Variants in CCDC7 observed in about 807,000 individuals in gnomAD.
The protein encoded by CCDC7 is coiled-coil domain containing 7.
A neutral mutation model predicts 196.9 loss-of-function variants in CCDC7; 183 were observed. The observed-to-expected ratio is 0.93, with a 90% CI of 0.82 to 1.05. The LOEUF (loss-of-function observed/expected upper bound fraction) is 1.05, where lower values mean the gene tolerates loss of function less well. CCDC7 is among the 50% of genes least tolerant of loss of function. The pLI, the probability that CCDC7 is intolerant of heterozygous loss-of-function variation, is 0.00. For missense variants in CCDC7, 1,540 were observed against 1,482.2 expected (o/e 1.04, Z -0.64); for synonymous variants, 525 against 484.6 (o/e 1.08, Z -1.10).
chr10:32,771,051 A>C (rs574027673), intron 28 of CCDC7, among the ~76,000 whole-genome samples: 34 of 152,162 alleles, frequency 2.2e-4, no homozygotes, highest in Non-Finnish European at 3.8e-4. Context: ...GAATATTTTA[A>C]GTGGATCATT....
intron 28 of CCDC7, among the ~76,000 whole-genome samples, chr10:32,765,164 T>G (rs11527653): frequency 0.089 from 13,560 of 152,090 alleles, 883 homozygotes; most frequent in East Asian, 0.33. Flanking sequence ...AAGGACCTAG[T>G]ATACTGCCCA....
At position 32,861,115 on chromosome 10, in the gene CCDC7, C is replaced by CAAAAAAAAAAAAAAAAAAAAAAAAA. The variant is rs142801821; in HGVS notation, c.4111+6645_4111+6646insAAAAAAAAAAAAAAAAAAAAAAAAA. 8.2e-5 allele frequency among the ~76,000 whole-genome samples: 8 copies of CAAAAAAAAAAAAAAAAAAAAAAAAA among 97,128 alleles called. 1 individual carries two copies. Among genetic ancestry groups the CAAAAAAAAAAAAAAAAAAAAAAAAA allele is most frequent in the Non-Finnish European group, 1.4e-4 (7 of 50,954 alleles). The allele number at this position is 97,128 out of a possible 152,430, so 63.7% of individuals were successfully genotyped here. The stretch of plus-strand genomic sequence containing the variant: ...CCTGCATAGCCAAGACAATCATAAG[C>CAAAAAAAAAAAAAAAAAAAAAAAAA]AAAAAAAAAAAAAAAAAAAGAAAGC... On this transcript the variant is annotated intron_variant, in intron 41 of 41. Transcript: ENST00000639629.
At chr10:32,629,982 AAGAAAGGCAC>A (rs2064617350) in intron 18 of CCDC7, among the ~76,000 whole-genome samples, 1 of 152,200 alleles carries the variant, frequency 6.6e-6, no homozygotes, top group South Asian at 2.1e-4. Context: ...GCAAGCCAGG[AAGAAAGGCAC>A]AGGGATTGCT....
At chr10:32,714,988 G>T (rs2141988443) in intron 25 of CCDC7, among the ~76,000 whole-genome samples, 1 of 152,340 alleles carries the variant, frequency 6.6e-6, no homozygotes, top group Non-Finnish European at 1.5e-5. Context: ...AAACTTAAAT[G>T]TTCCTGACTG....
chr10:32,876,577 A>G, downstream of CCDC7: 1 of 467,728 alleles, frequency 2.1e-6, no homozygotes, highest in Non-Finnish European at 3.8e-6. Context: ...CTGACCAGGC[A>G]GTGGTGAGTT....
chr10:32,492,670 T>C (rs971912437), intron 9 of CCDC7, among the ~76,000 whole-genome samples: 18 of 151,980 alleles, frequency 1.2e-4, no homozygotes, highest in African/African-American at 4.3e-4. Context: ...GAATGATGGT[T>C]GCCAGGGGGT....
intron 41 of CCDC7, among the ~76,000 whole-genome samples, chr10:32,862,344 C>T (rs1048622729): frequency 6.8e-6 from 1 of 146,056 alleles, no homozygotes. Context: ...CATGTTCTCA[C>T]TTATAAGTGG....
chr10:32,828,388 A>G (rs1023339980), intron 32 of CCDC7, among the ~76,000 whole-genome samples: 1 of 138,746 alleles, frequency 7.2e-6, no homozygotes, highest in Non-Finnish European at 1.5e-5. Context: ...TAAATAGTTT[A>G]AAAAAGAAGA....
chr10:32,760,984 G>A (rs2077378757), intron 28 of CCDC7, among the ~76,000 whole-genome samples: 1 of 151,890 alleles, frequency 6.6e-6, no homozygotes, highest in South Asian at 2.1e-4. Context: ...GTGATATTCA[G>A]TATATTTAAC....
intron 20 of CCDC7, among the ~76,000 whole-genome samples, chr10:32,650,607 A>T (rs1165789396): frequency 1.3e-5 from 2 of 152,184 alleles, no homozygotes; most frequent in Non-Finnish European, 2.9e-5. Context: ...AGGCATGGCT[A>T]GGTCTCACAC....
At chr10:32,473,080 C>A (rs1052492445) in intron 7 of CCDC7, among the ~76,000 whole-genome samples, 1 of 151,884 alleles carries the variant, frequency 6.6e-6, no homozygotes, top group Non-Finnish European at 1.5e-5. Context: ...AATGTGTATC[C>A]CCTATACAGA....
chr10:32,559,674 G>A (rs144285459), intron 13 of CCDC7, among the ~76,000 whole-genome samples: 11,458 of 152,170 alleles, frequency 0.075, 513 homozygotes, highest in East Asian at 0.16. Context: ...CCATCTGTAT[G>A]TCACCATCAT....
intron 15 of CCDC7, among the ~76,000 whole-genome samples, chr10:32,570,936 A>G (rs190220154): frequency 2.4e-4 from 36 of 152,210 alleles, no homozygotes; most frequent in African/African-American, 8.4e-4. Flanking sequence ...CATTTATACT[A>G]TAGGAAAATA....
At chr10:32,480,314 T>C (rs2039735616) in intron 8 of CCDC7, among the ~76,000 whole-genome samples, 1 of 151,996 alleles carries the variant, frequency 6.6e-6, no homozygotes, top group South Asian at 2.1e-4. Context: ...TTTTAATGTA[T>C]ACTTTATTTA....
intron 8 of CCDC7, among the ~76,000 whole-genome samples, 163 bp from the exon 10 acceptor site, chr10:32,491,759 G>A (rs2042186971): frequency 2.0e-5 from 3 of 152,038 alleles, no homozygotes. Flanking sequence ...TAATAAAATG[G>A]TAGCTATTCT....
intron 11 of CCDC7, among the ~76,000 whole-genome samples, chr10:32,542,633 C>CAAAAAAAA (rs11375465): frequency 3.4e-5 from 3 of 87,940 alleles, no homozygotes; most frequent in African/African-American, 4.7e-5. Context: ...ACTCCCATCT[C>CAAAAAAAA]AAAAAAAAAA....
chr10:32,527,942 G>A (rs759895363), intron 11 of CCDC7, among the ~76,000 whole-genome samples: 3 of 152,048 alleles, frequency 2.0e-5, no homozygotes, highest in Non-Finnish European at 2.9e-5. Context: ...ACTGCATAGT[G>A]GTGAAGTCAG....
chr10:32,805,099 G>A lies in CCDC7; in HGVS notation c.3097+1G>A. The A allele has an allele frequency of 1.9e-6, 3 of 1,598,526 alleles. No homozygotes were observed. The highest frequency in any genetic ancestry group is 2.6e-6 in the Non-Finnish European group (3 of 1,167,230). On this transcript the variant is annotated splice_donor_variant, in intron 30 of 41. Coordinates refer to ENST00000639629, the Ensembl canonical transcript of CCDC7. LOFTEE classifies it high-confidence loss of function. ...AAGACACAGTCAAAGAGTTTCCCTGGTAAGAAAATATTTTTAAGTCTAATA... is the reference window on the plus strand; with the variant it reads ...AAGACACAGTCAAAGAGTTTCCCTGATAAGAAAATATTTTTAAGTCTAATA...
chr10:32,832,732 A>G (rs1180432355), intron 32 of CCDC7, among the ~76,000 whole-genome samples: 1 of 152,132 alleles, frequency 6.6e-6, no homozygotes, highest in African/African-American at 2.4e-5. Context: ...TTTTTTCAAC[A>G]AAAGCATTAG....
Sources: gnomAD v4.1 joint callset for allele counts (sites outside exome capture counted in the v4.1 genomes callset) on GRCh38, gnomAD v4.1.1 for gene constraint, MANE v1.5 for transcripts, NCBI Gene and HGNC (gene_info 2026-07-23, HGNC 2026-07-21) for gene names.